The following DAB2 variants were observed in gnomAD, a reference collection of about 807,000 sequenced individuals.
The protein encoded by DAB2 is disabled homolog 2.
Under a neutral mutation model 71.6 loss-of-function variants are expected in DAB2, and 28 were observed. The ratio of observed to expected loss-of-function variants is 0.39; its 90% CI spans 0.29 to 0.54. DAB2 has a LOEUF of 0.54. Ranked by LOEUF, DAB2 falls within the 20% of genes least tolerant of loss-of-function variation. The pLI, the probability that DAB2 is intolerant of heterozygous loss-of-function variation, is 0.68. For synonymous variants in DAB2, 345 were observed against 339.7 expected (o/e 1.02, Z -0.17); for missense variants, 867 against 928.8 (o/e 0.93, Z 0.86).
At chr5:39,412,199 G>A (rs547304017) in intron 1 of DAB2, among the ~76,000 whole-genome samples, 6 of 152,098 alleles carry the variant, frequency 3.9e-5, no homozygotes, top group Non-Finnish European at 8.8e-5. Flanking sequence ...GAGAGATGAC[G>A]CAAATGGTAG....
At chr5:39,389,805 C>T (rs183427136) in intron 6 of DAB2, 47 bp downstream of exon 6, 2 of 1,143,800 alleles carry the variant, frequency 1.7e-6, no homozygotes, top group Non-Finnish European at 2.6e-6. Context: ...AGCCACCATG[C>T]CCAGCCAGTT....
chr5:39,400,036 G>C (rs1391555579), intron 1 of DAB2, among the ~76,000 whole-genome samples: 1 of 152,122 alleles, frequency 6.6e-6, no homozygotes, highest in Non-Finnish European at 1.5e-5. Context: ...TAATTATACA[G>C]AGCAGGCAGG....
chr5:39,387,287 G>A (rs1488526106), intron 9 of DAB2, among the ~76,000 whole-genome samples: 1 of 152,076 alleles, frequency 6.6e-6, no homozygotes, highest in Non-Finnish European at 1.5e-5. Flanking sequence ...CCTGATACAA[G>A]AGAGTCCTTT....
At chr5:39,381,353 T>C in intron 11 of DAB2, 101 bp downstream of exon 11, 12 of 1,220,506 alleles carry the variant, frequency 9.8e-6, no homozygotes, top group Non-Finnish European at 1.4e-5. Flanking sequence ...TCAAATCTTA[T>C]GCTGTAAAAC....
chr5:39,383,141 G>A lies in DAB2; in HGVS notation c.818C>T (p.Ser273Phe), dbSNP rs368600215. The change falls in exon 10 of 15, where the codon TCC becomes TTC. Residue 273 changes from serine (S) to phenylalanine (F), a missense_variant. Ser to Phe is a radical substitution (Grantham distance 155). This residue lies in a region of DAB2 where 740 missense variants were observed against 734.3 expected (regional missense o/e 1.01). Coordinates refer to ENST00000320816, the MANE Select transcript of DAB2 (RefSeq NM_001343.4). ...CSLPRPTPQA[S>F]FLPENAFSAN... ...AGAAAAGGCATTTTCAGGCAAGAAG[G>A]ATGCCTGAGGCGTTGGTCGAGGAAG... is the stretch of plus-strand genomic sequence containing the variant. 1 of 1,614,140 alleles carries A rather than the reference G, an allele frequency of 6.2e-7. No homozygotes were observed. Among genetic ancestry groups the A allele is most frequent in the Non-Finnish European group, 8.5e-7 (1 of 1,180,012 alleles).
chr5:39,404,249 T>TG (rs1254935269), intron 1 of DAB2, among the ~76,000 whole-genome samples: 2 of 55,012 alleles, frequency 3.6e-5, no homozygotes, highest in Non-Finnish European at 6.5e-5. Flanking sequence ...TGTTGTGGGG[T>TG]GGGGGGAGGG....
At chr5:39,375,142 G>T (rs553566050) in intron 13 of DAB2, 58 bp from the exon 14 acceptor site, 2 of 1,302,708 alleles carry the variant, frequency 1.5e-6, no homozygotes, top group East Asian at 4.6e-5. Flanking sequence ...GAAAAAAATC[G>T]CAATGAAGAC....
chr5:39,420,720 T>A (rs1294086096), intron 1 of DAB2, among the ~76,000 whole-genome samples: 1 of 152,200 alleles, frequency 6.6e-6, no homozygotes, highest in African/African-American at 2.4e-5. Flanking sequence ...AGTATTGGGA[T>A]TAAAATAAGT....
chr5:39,376,917 G>A lies in DAB2; in HGVS notation c.1870C>T (p.Pro624Ser). The A allele has an allele frequency of 6.2e-7, 1 of 1,614,154 alleles. No homozygotes were observed. Among genetic ancestry groups the A allele is most frequent in the Non-Finnish European group, 8.5e-7 (1 of 1,180,008 alleles). Residue 624 changes from proline (P) to serine (S), a missense_variant, in exon 12 of 15, where the codon CCC (proline) becomes TCC (serine). Around this residue, in one of 2 missense-constraint regions of DAB2, gnomAD observed 740 missense variants for 734.3 expected, o/e 1.01. Coordinates refer to ENST00000320816, the MANE Select transcript of DAB2 (RefSeq NM_001343.4). ...ATGTCCTTGGGAGGGCCAGCTCTGGGAGGTGGCTGAGGAGGAGTGACCAGG... is the reference window on the plus strand; with the variant it reads ...ATGTCCTTGGGAGGGCCAGCTCTGGAAGGTGGCTGAGGAGGAGTGACCAGG... Reference protein sequence around the residue: ...SLLVTPPQPPPRAGPPKDISS... With the variant: ...SLLVTPPQPPSRAGPPKDISS...
At chr5:39,393,230 A>C (rs375897504) in intron 3 of DAB2, 24 bp downstream of exon 3, 2 of 1,611,874 alleles carry the variant, frequency 1.2e-6, no homozygotes, top group Non-Finnish European at 1.7e-6. Flanking sequence ...TAATATACAG[A>C]TAAAGCATTC....
In DAB2 at chr5:39,396,523, C is replaced by T. The variant is rs140430638; in HGVS notation, c.-101-2102G>A. Among the ~76,000 whole-genome samples, 16 of 152,276 alleles carry T rather than the reference C, an allele frequency of 1.1e-4. No homozygotes were observed. In the South Asian group the frequency reaches 2.3e-3, roughly 22 times the overall value. ...GGTAATGAGGGCAGTTGTAGCTATG[C>T]GTATTTTCTTCCTTGCTTGTTATGT... On this transcript the variant is annotated intron_variant, in intron 1 of 14. Transcript: ENST00000320816.
rs568508214 is a variant in DAB2, at chr5:39,396,582, C to T, written c.-101-2161G>A. ...TGGTATGTATTACCTATTTTCTTAT[C>T]TCTCTATCTTCTCTTTTAATGCAAG... On this transcript the variant is annotated intron_variant, in intron 1 of 14. Coordinates refer to ENST00000320816, the MANE Select transcript of DAB2 (RefSeq NM_001343.4). Among the ~76,000 whole-genome samples the T allele has an allele frequency of 6.0e-5, 8 of 132,268 alleles. No individual in the cohort carries two copies. The South Asian group carries it at 1.7e-3, about 28-fold the overall frequency. 86.8% of individuals were successfully genotyped at this position (132,268 alleles called of 152,430 possible).
chr5:39,384,037 C>T (rs62358395), intron 9 of DAB2, among the ~76,000 whole-genome samples: 8,005 of 152,270 alleles, frequency 0.053, 267 homozygotes, highest in African/African-American at 0.086. Context: ...AAGAGACACT[C>T]AATACTGATC....
Position 39,422,457 on chromosome 5 carries a change from C to T in DAB2, c.-102+2347G>A, listed in dbSNP as rs1299379300. Among the ~76,000 whole-genome samples the T allele has an allele frequency of 1.3e-5, 2 of 152,120 alleles. No individual in the cohort carries two copies. The highest frequency in any genetic ancestry group is 2.9e-5 in the Non-Finnish European group (2 of 68,026). On this transcript the variant is annotated intron_variant, in intron 1 of 14. Transcript: ENST00000320816. This position sits in a 1 kb window ranked among gnomAD's most constrained non-coding sequence, Gnocchi z 4.1. ...CTTTAAGAAGAGCAATAATTAAATC[C>T]TCAGGTCAAAAGAATGAGGAAGAGA...
intron 9 of DAB2, 33 bp from the exon 10 acceptor site, chr5:39,383,304 G>A: frequency 6.7e-7 from 1 of 1,496,180 alleles, no homozygotes. Context: ...AAAAGAAAGT[G>A]TTAGTCCATG....
In DAB2 at chr5:39,394,287, C is replaced by T. The variant is rs749549112; in HGVS notation, c.34G>A (p.Gly12Ser). 2.7e-5 allele frequency: 44 copies of T among 1,614,052 alleles called. No individual in the cohort carries two copies. Among genetic ancestry groups the T allele is most frequent in the Non-Finnish European group, 3.6e-5 (42 of 1,180,000 alleles). The change falls in exon 2 of 15, where the codon GGT (glycine) becomes AGT (serine). Residue 12 changes from glycine (G) to serine (S), a missense_variant. Physicochemically the swap from Gly to Ser is moderately conservative, Grantham distance 56 (BLOSUM62 0). Coordinates refer to ENST00000320816, the MANE Select transcript of DAB2 (RefSeq NM_001343.4). ...GGTGCGGCCTGTTGGTCGGGCTGAC[C>T]ATTGGTTGCACTTGTTTCTACTTCG... ...SNEVETSATN[G>S]QPDQQAAPKA...
chr5:39,388,917 C>T lies in DAB2; in HGVS notation c.571-65G>A, dbSNP rs1316258191. 3.5e-6 allele frequency: 5 copies of T among 1,414,826 alleles called. No individual in the cohort carries two copies. In the East Asian group the frequency reaches 1.1e-4, roughly 32 times the overall value. 87.6% of individuals were successfully genotyped at this position (1,414,826 alleles called of 1,614,324 possible). The stretch of plus-strand genomic sequence containing the variant: ...TGTCTATAAAATGTATTTGTCCACT[C>T]TATTAGTCTGCTAAGCAGCAATGGT... On this transcript the variant is annotated intron_variant, in intron 7 of 14. Transcript: ENST00000320816.
At chr5:39,418,788 G>A (rs1411400672) in intron 1 of DAB2, among the ~76,000 whole-genome samples, 1 of 152,184 alleles carries the variant, frequency 6.6e-6, no homozygotes, top group South Asian at 2.1e-4. Flanking sequence ...ATGAGAACAA[G>A]ACCATTTAAA....
chr5:39,383,386 A>T, intron 9 of DAB2, 115 bp from the exon 10 acceptor site: 1 of 881,756 alleles, frequency 1.1e-6, no homozygotes, highest in East Asian at 2.5e-5. Flanking sequence ...TTTGGTCTTG[A>T]TAAATCGGTT....
Sources: allele counts gnomAD v4.1 joint callset (sites outside exome capture counted in the v4.1 genomes callset), GRCh38; gene constraint gnomAD v4.1.1; regional missense constraint gnomAD v4.1.1; non-coding constraint Gnocchi (gnomAD v3.1); transcripts MANE v1.5; gene names NCBI Gene and HGNC (gene_info 2026-07-23, HGNC 2026-07-21).